The following CNTNAP2 variants were observed in gnomAD, a reference collection of about 807,000 sequenced individuals.
CNTNAP2 encodes the protein contactin associated protein 2, also known as contactin-associated protein-like 2.
A neutral mutation model predicts 155.2 loss-of-function variants in CNTNAP2; 98 were observed. That is an observed-to-expected ratio of 0.63 (90% CI 0.54 to 0.75). The LOEUF is 0.75. CNTNAP2 is among the 30% of genes least tolerant of loss of function. CNTNAP2 has a pLI of 0.00. For missense variants in CNTNAP2, 1,727 were observed against 1,688.1 expected (o/e 1.02, Z -0.40); for synonymous variants, 651 against 631.2 (o/e 1.03, Z -0.47).
At chr7:146,346,604 C>T (rs561959394) in intron 1 of CNTNAP2, among the ~76,000 whole-genome samples, 1 of 152,222 alleles carries the variant, frequency 6.6e-6, no homozygotes, top group African/African-American at 2.4e-5. Flanking sequence ...AGTGCTTGAG[C>T]CCGGGAGGCA....
At chr7:147,186,281 T>C (rs1802564112) in intron 8 of CNTNAP2, among the ~76,000 whole-genome samples, 1 of 152,172 alleles carries the variant, frequency 6.6e-6, no homozygotes, top group Non-Finnish European at 1.5e-5. Context: ...ATCTAATTAT[T>C]AATAATATAT....
intron 14 of CNTNAP2, among the ~76,000 whole-genome samples, chr7:147,946,608 G>T (rs1800823302): frequency 6.6e-6 from 1 of 152,080 alleles, no homozygotes; most frequent in Non-Finnish European, 1.5e-5. Flanking sequence ...CTGTTGATCA[G>T]CTGCCCTCAC....
At chr7:147,247,070 G>T (rs1804085293) in intron 8 of CNTNAP2, among the ~76,000 whole-genome samples, 1 of 152,070 alleles carries the variant, frequency 6.6e-6, no homozygotes, top group Non-Finnish European at 1.5e-5. Flanking sequence ...ATTATAAAAA[G>T]TAATATCATA....
intron 13 of CNTNAP2, among the ~76,000 whole-genome samples, chr7:147,666,600 C>T (rs552972439): frequency 6.6e-6 from 1 of 152,278 alleles, no homozygotes; most frequent in East Asian, 1.9e-4. Context: ...AAACCGTATT[C>T]AGTGTTATGC....
At chr7:146,664,321 C>CG (rs1233485337) in intron 1 of CNTNAP2, among the ~76,000 whole-genome samples, 7 of 151,742 alleles carry the variant, frequency 4.6e-5, no homozygotes, top group Non-Finnish European at 1.0e-4. Flanking sequence ...GCCACCATGC[C>CG]GGGCTAATTT....
chr7:147,778,872 CAT>C (rs1013099011), intron 13 of CNTNAP2, among the ~76,000 whole-genome samples: 1 of 152,056 alleles, frequency 6.6e-6, no homozygotes, highest in Non-Finnish European at 1.5e-5. Flanking sequence ...TTGTAACAAA[CAT>C]AGGAATTTTC....
At chr7:148,229,863 T>G in intron 20 of CNTNAP2, 84 bp downstream of exon 20, 1 of 1,533,784 alleles carries the variant, frequency 6.5e-7, no homozygotes, top group Admixed American at 1.7e-5. Flanking sequence ...GGTTTTGTTT[T>G]GAGGGGATAG....
At chr7:146,176,714 C>T (rs961685524) in intron 1 of CNTNAP2, among the ~76,000 whole-genome samples, 3 of 152,066 alleles carry the variant, frequency 2.0e-5, no homozygotes, top group African/African-American at 4.8e-5. Context: ...TCCTGGCCTC[C>T]GTGAACCCGA....
At chr7:147,960,795 C>T (rs1801105282) in intron 14 of CNTNAP2, among the ~76,000 whole-genome samples, 1 of 151,612 alleles carries the variant, frequency 6.6e-6, no homozygotes. Context: ...CTTTCTTTCT[C>T]CTTTCCTCCT....
intron 20 of CNTNAP2, among the ~76,000 whole-genome samples, chr7:148,247,639 A>AT (rs1796292743): frequency 7.8e-6 from 1 of 128,384 alleles, no homozygotes; most frequent in Non-Finnish European, 1.6e-5. Flanking sequence ...TTATTTATTT[A>AT]TTTATTTATT....
At position 147,916,591 on chromosome 7, in the gene CNTNAP2, GAAAAA is replaced by G. The variant is rs10545940; in HGVS notation, c.2255+12883_2255+12887del. ...TAAGATTCAAAAGAGCTTTTTTTCTGAAAAAAAAAAAAAAAAATACAGTGTATTTC... is the reference window on the plus strand; with the variant it reads ...TAAGATTCAAAAGAGCTTTTTTTCTGAAAAAAAAAAAATACAGTGTATTTC... On this transcript the variant is annotated intron_variant, in intron 14 of 23. Transcript: ENST00000361727. Among the ~76,000 whole-genome samples the G allele has an allele frequency of 4.8e-3, 649 of 135,910 alleles. 1 individual carries two copies. The highest frequency in any genetic ancestry group is 0.011 in the Middle Eastern group (3 of 262). 89.2% of individuals were successfully genotyped at this position (135,910 alleles called of 152,430 possible).
chr7:146,949,636 T>G (rs1224318761), intron 3 of CNTNAP2, among the ~76,000 whole-genome samples: 1 of 152,204 alleles, frequency 6.6e-6, no homozygotes, highest in East Asian at 1.9e-4. Flanking sequence ...AATTTCTTGT[T>G]TTGTTTTCTC....
chr7:148,386,251 C>T (rs1008825736), intron 22 of CNTNAP2, among the ~76,000 whole-genome samples: 10 of 151,992 alleles, frequency 6.6e-5, no homozygotes, highest in African/African-American at 9.7e-5. Flanking sequence ...AACAGTTGAC[C>T]GGGCTCGGTG....
chr7:147,837,963 C>T (rs940921622), intron 13 of CNTNAP2, among the ~76,000 whole-genome samples: 11 of 152,122 alleles, frequency 7.2e-5, no homozygotes, highest in Middle Eastern at 3.2e-3. Flanking sequence ...ATGAGCACCC[C>T]GCCCCTGCAG....
Position 146,605,199 on chromosome 7 carries a change from G to T in CNTNAP2, c.98-169072G>T, listed in dbSNP as rs189643795. On this transcript the variant is annotated intron_variant, in intron 1 of 23. Transcript: ENST00000361727. ...AAAGTTCCATGGACATAGAGACTAT[G>T]TCTTGTTTCTTTATTGTATTCATTT... 3.8e-3 allele frequency among the ~76,000 whole-genome samples: 580 copies of T among 150,908 alleles called. 17 individuals are homozygous for T. Among genetic ancestry groups the T allele is most frequent in the Middle Eastern group, 6.9e-3 (2 of 290 alleles).
chr7:147,270,289 T>C (rs534366093), intron 8 of CNTNAP2, among the ~76,000 whole-genome samples: 8 of 152,310 alleles, frequency 5.3e-5, no homozygotes, highest in Admixed American at 4.6e-4. Flanking sequence ...CATTGTGAAA[T>C]ACTCAGTATG....
chr7:146,964,935 G>C (rs1218169181), intron 3 of CNTNAP2, among the ~76,000 whole-genome samples: 3 of 149,666 alleles, frequency 2.0e-5, no homozygotes, highest in African/African-American at 7.4e-5. Context: ...ATTGTGTTGA[G>C]AATCGTTTAG....
At chr7:147,082,465 T>G (rs1404121748) in intron 4 of CNTNAP2, 1 of 152,124 alleles carries the variant, frequency 6.6e-6, no homozygotes, top group Non-Finnish European at 1.5e-5. Context: ...CAAAGGAGAA[T>G]AGAAAACTAG....
At chr7:146,293,656 G>A (rs1800466649) in intron 1 of CNTNAP2, among the ~76,000 whole-genome samples, 1 of 152,032 alleles carries the variant, frequency 6.6e-6, no homozygotes, top group Admixed American at 6.6e-5. Context: ...GTCAAACAGA[G>A]GTATATATGG....
Sources: gnomAD v4.1 joint callset for allele counts (sites outside exome capture counted in the v4.1 genomes callset) on GRCh38, gnomAD v4.1.1 for gene constraint, MANE v1.5 for transcripts, NCBI Gene and HGNC (gene_info 2026-07-23, HGNC 2026-07-21) for gene names.